The following RUVBL1 variants were observed in gnomAD, a reference collection of about 807,000 sequenced individuals.
The protein encoded by RUVBL1 is ruvB-like 1.
In RUVBL1, 4 loss-of-function variants were observed where a neutral mutation model predicts 52.4. That is an observed-to-expected ratio of 0.08 (90% CI 0.04 to 0.17). The LOEUF is 0.17. RUVBL1 is among the 10% of genes least tolerant of loss of function. RUVBL1 has a pLI of 1.00. For missense variants in RUVBL1, 298 were observed against 572.8 expected (o/e 0.52, Z 4.90); for synonymous variants, 217 against 214.4 (o/e 1.01, Z -0.10).
At chr3:128,093,228 C>T (rs1638619662) in intron 8 of RUVBL1, among the ~76,000 whole-genome samples, 4 of 152,108 alleles carry the variant, frequency 2.6e-5, no homozygotes, top group Admixed American at 2.6e-4. Context: ...TGAAAGAAGC[C>T]AGTCACAAAA....
chr3:128,078,165 G>A (rs1488725920), downstream of RUVBL1, among the ~76,000 whole-genome samples: 3 of 152,244 alleles, frequency 2.0e-5, no homozygotes, highest in African/African-American at 7.2e-5. Context: ...GTTTCTGAGG[G>A]ATAGAGGTCG....
At chr3:128,136,106 C>A (rs1317133840) in intron 1 of RUVBL1, among the ~76,000 whole-genome samples, 2 of 150,392 alleles carry the variant, frequency 1.3e-5, no homozygotes, top group Non-Finnish European at 3.0e-5. Context: ...AAAAAACCTA[C>A]AACGCATGCA....
chr3:128,069,602 C>T lies in RUVBL1; in HGVS notation c.940-4382G>A. 6.2e-7 allele frequency: 1 copy of T among 1,614,152 alleles called. No individual in the cohort carries two copies. The highest frequency in any genetic ancestry group is 8.5e-7 in the Non-Finnish European group (1 of 1,180,034). ...TCGCAGTCACAATCATCTACCAGTACTTTGAGATCTTCGTTAAGGAGCAAA... is the reference window on the plus strand; with the variant it reads ...TCGCAGTCACAATCATCTACCAGTATTTTGAGATCTTCGTTAAGGAGCAAA... On this transcript the variant is annotated intron_variant, in intron 9 of 9. Transcript: ENST00000464873.
Position 128,123,577 on chromosome 3 carries a change from G to T in RUVBL1, c.141+7C>A. On this transcript the variant is annotated splice_region_variant and intron_variant, in intron 1 of 10. Coordinates refer to ENST00000322623, the MANE Select transcript of RUVBL1 (RefSeq NM_003707.3). ...CAGCCCCCAACTCCCTGGTCCACTG[G>T]CCACACCTCTCGCGCGTTCTCCTGG... The T allele has an allele frequency of 1.2e-6, 2 of 1,601,650 alleles. No homozygotes were observed. The highest frequency in any genetic ancestry group is 1.1e-5 in the South Asian group (1 of 90,582).
chr3:128,140,341 CAG>C (rs1027692965), intron 1 of RUVBL1, among the ~76,000 whole-genome samples: 3 of 126,706 alleles, frequency 2.4e-5, no homozygotes, highest in African/African-American at 9.2e-5. Flanking sequence ...AAAGCTTACT[CAG>C]GGGTGGGGCT....
At chr3:128,068,125 G>T in intron 9 of RUVBL1, 1 of 1,283,580 alleles carries the variant, frequency 7.8e-7, no homozygotes, top group Non-Finnish European at 1.1e-6. Flanking sequence ...TCCATGCAGG[G>T]CATCCTGATA....
At chr3:128,100,948 A>C (rs2107690906) in intron 5 of RUVBL1, among the ~76,000 whole-genome samples, 1 of 152,288 alleles carries the variant, frequency 6.6e-6, no homozygotes, top group Middle Eastern at 3.4e-3. Flanking sequence ...GGGTTGAAAA[A>C]CACCTGATAC....
At chr3:128,150,945 ATATATATTATATATTC>A (rs1358543481) in intron 1 of RUVBL1, among the ~76,000 whole-genome samples, 11 of 75,392 alleles carry the variant, frequency 1.5e-4, no homozygotes, top group African/African-American at 6.8e-4. Context: ...TCTATATATT[ATATATATTATATATTC>A]TATATATTAT....
At chr3:128,071,763 G>A (rs2241688) in intron 9 of RUVBL1, 132,043 of 152,720 alleles carry the variant, frequency 0.86, 57,322 homozygotes, top group African/African-American at 0.94. Flanking sequence ...TTGCAGCTTT[G>A]TGTGTGTCAA....
intron 1 of RUVBL1, among the ~76,000 whole-genome samples, chr3:128,152,808 C>T (rs1944247251): frequency 1.3e-5 from 2 of 150,750 alleles, no homozygotes; most frequent in Admixed American, 6.6e-5. Context: ...GAGCAAAAAG[C>T]TTCTGCAATG....
At chr3:128,129,453 A>G (rs776080227) in intron 1 of RUVBL1, among the ~76,000 whole-genome samples, 3 of 152,202 alleles carry the variant, frequency 2.0e-5, no homozygotes, top group Non-Finnish European at 4.4e-5. Context: ...CTATAATAAA[A>G]AAGAAGAAAG....
intron 1 of RUVBL1, among the ~76,000 whole-genome samples, chr3:128,138,064 C>G (rs974175005): frequency 6.6e-6 from 1 of 152,062 alleles, no homozygotes; most frequent in African/African-American, 2.4e-5. Flanking sequence ...AAGCCATATA[C>G]AACAGACCCA....
chr3:128,123,473 T>C (rs939545859), intron 1 of RUVBL1, 111 bp downstream of exon 1: 2 of 1,256,830 alleles, frequency 1.6e-6, no homozygotes, highest in South Asian at 1.7e-5. Context: ...GAGGAAATAA[T>C]GGCGGGAGAC....
chr3:128,082,359 A>C lies in RUVBL1; in HGVS notation c.1211+124T>G. ...CAAGTGCCCTGGCACCCATCGCGCC[A>C]GGAAGAGCGGATGGATAGAGTCCCA... On this transcript the variant is annotated intron_variant, in intron 10 of 10. Coordinates refer to ENST00000322623, the MANE Select transcript of RUVBL1 (RefSeq NM_003707.3). This position sits in a 1 kb window ranked among gnomAD's most constrained non-coding sequence, Gnocchi z 4.7. 9 of 718,326 alleles carry C rather than the reference A, an allele frequency of 1.3e-5. No individual in the cohort carries two copies. The highest frequency in any genetic ancestry group is 2.2e-5 in the Non-Finnish European group (9 of 411,612). The allele number at this position is 718,326 out of a possible 1,614,324, so 44.5% of individuals were successfully genotyped here. A position where few individuals can be genotyped will look rare whatever the true frequency, so the allele number is the denominator to read the frequency against.
chr3:128,136,889 T>C (rs1278207472), intron 1 of RUVBL1, among the ~76,000 whole-genome samples: 1 of 152,120 alleles, frequency 6.6e-6, no homozygotes, highest in African/African-American at 2.4e-5. Flanking sequence ...GCATCCAACA[T>C]TCGATCACCA....
chr3:128,100,518 C>CT, intron 6 of RUVBL1, 77 bp downstream of exon 6: 1 of 1,500,006 alleles, frequency 6.7e-7, no homozygotes, highest in South Asian at 1.4e-5. Context: ...CAGCAAGACT[C>CT]TGACAATTCA....
chr3:128,150,901 TA>T lies in RUVBL1; in HGVS notation c.-40+2301del, dbSNP rs1397713311. ...ATTCTATATATATATTCTATATATA[TA>T]ATATAATATTCTATATTATATATAT... is the stretch of plus-strand genomic sequence containing the variant. On this transcript the variant is annotated intron_variant, in intron 1 of 9. Coordinates refer to the RUVBL1 transcript ENST00000464873. Among the ~76,000 whole-genome samples, 114 of 87,070 alleles carry T rather than the reference TA, an allele frequency of 1.3e-3. 1 individual carries two copies. Among genetic ancestry groups the T allele is most frequent in the African/African-American group, 5.3e-3 (110 of 20,758 alleles). The allele number at this position is 87,070 out of a possible 152,430, so 57.1% of individuals were successfully genotyped here. A position where few individuals can be genotyped will look rare whatever the true frequency, so the allele number is the denominator to read the frequency against.
chr3:128,104,592 A>G (rs909623564), intron 4 of RUVBL1, among the ~76,000 whole-genome samples, 181 bp downstream of exon 4: 6 of 152,176 alleles, frequency 3.9e-5, no homozygotes, highest in African/African-American at 1.2e-4. Flanking sequence ...GAGTCCTCCT[A>G]TGTGCAAGCC....
chr3:128,069,523 T>C, intron 9 of RUVBL1: 2 of 1,613,868 alleles, frequency 1.2e-6, no homozygotes, highest in South Asian at 2.2e-5. Context: ...ATCGGGGCCC[T>C]CTCGGTCCTG....
Sources: gnomAD v4.1 joint callset for allele counts (sites outside exome capture counted in the v4.1 genomes callset) on GRCh38, gnomAD v4.1.1 for gene constraint, Gnocchi (gnomAD v3.1) non-coding constraint, MANE v1.5 for transcripts, NCBI Gene and HGNC (gene_info 2026-07-23, HGNC 2026-07-21) for gene names.